Variants in AR observed in about 807,000 individuals in gnomAD.
AR encodes androgen receptor.
Under a neutral mutation model 53.9 loss-of-function variants are expected in AR, and 8 were observed. That is an observed-to-expected ratio of 0.15 (90% CI 0.09 to 0.27). AR has a LOEUF of 0.27. AR is among the 10% of genes least tolerant of loss of function. AR has a pLI of 1.00. For missense variants in AR, 639 were observed against 742.5 expected (o/e 0.86, Z 1.62); for synonymous variants, 359 against 316.4 (o/e 1.13, Z -1.43).
At chrX:67,560,372 C>G (rs1160879169) in intron 1 of AR, among the ~76,000 whole-genome samples, 1 of 111,764 alleles carries the variant, frequency 8.9e-6, no homozygotes, top group African/African-American at 3.3e-5. Context: ...CTCTGCTACT[C>G]TCTAATTCCT....
chrX:67,659,233 A>G (rs1050222397), intron 2 of AR, among the ~76,000 whole-genome samples: 2 of 107,106 alleles, frequency 1.9e-5, no homozygotes, highest in Non-Finnish European at 3.8e-5. Context: ...TTTTTTTTTT[A>G]TACTTTAAGT....
rs185611501 is a variant in AR at position 67,663,948 on chromosome X, C to T, written c.1768+20541C>T. 3.0e-3 allele frequency among the ~76,000 whole-genome samples: 335 copies of T among 112,254 alleles called. 1 individual carries two copies. The highest frequency in any genetic ancestry group is 5.2e-3 in the Non-Finnish European group (275 of 53,282). Reference sequence around the variant, plus strand: ...GCTTGTGCATTTGTCACGTAGTTCTCGTGCTGTGTTTTTCAGCTCCATCAG... The same window carrying T: ...GCTTGTGCATTTGTCACGTAGTTCTTGTGCTGTGTTTTTCAGCTCCATCAG... On this transcript the variant is annotated intron_variant, in intron 2 of 7. Coordinates refer to ENST00000374690, the MANE Select transcript of AR (RefSeq NM_000044.6).
intron 1 of AR, among the ~76,000 whole-genome samples, chrX:67,605,161 G>A (rs1341027303): frequency 8.9e-6 from 1 of 112,496 alleles, no homozygotes; most frequent in African/African-American, 3.2e-5. Context: ...ACCTAGCAGT[G>A]GTAACTGGAG....
rs1006372196 is a variant in AR, at chrX:67,707,133, G to T, written c.1886-4269G>T. Among the ~76,000 whole-genome samples the T allele has an allele frequency of 3.6e-5, 4 of 111,748 alleles. No individual in the cohort carries two copies. In the East Asian group the frequency reaches 1.1e-3, roughly 31 times the overall value. On this transcript the variant is annotated intron_variant, in intron 3 of 7. Transcript: ENST00000374690. ...GAAGAATGTATATTCTGTTGATTTG[G>T]GGTGGAGAGTTCTGTATAAGTCTAT...
At chrX:67,715,746 A>T (rs933658809) in intron 4 of AR, among the ~76,000 whole-genome samples, 8 of 112,206 alleles carry the variant, frequency 7.1e-5, no homozygotes, top group Admixed American at 6.6e-4. Context: ...GTGCCACATC[A>T]CCTAACCTCT....
Position 67,634,599 on chromosome X carries a change from C to T in AR, c.1617-8657C>T, listed in dbSNP as rs531794274. On this transcript the variant is annotated intron_variant, in intron 1 of 7. Coordinates refer to ENST00000374690, the MANE Select transcript of AR (RefSeq NM_000044.6). ...TTAAAGAGAATTGAAAAGCTATGAA[C>T]TAAATTTCGGTAATACTTTTAATAG... Among the ~76,000 whole-genome samples the T allele has an allele frequency of 5.4e-5, 6 of 111,791 alleles. No homozygotes were observed. The South Asian group carries it at 1.9e-3, about 35-fold the overall frequency.
At chrX:67,561,928 GTTTT>G (rs757161392) in intron 1 of AR, among the ~76,000 whole-genome samples, 1 of 78,271 alleles carries the variant, frequency 1.3e-5, no homozygotes, top group Non-Finnish European at 2.3e-5. Flanking sequence ...AACGAAAGAG[GTTTT>G]TTTTTTTTTT....
chrX:67,700,190 A>T (rs2076036801), intron 3 of AR, among the ~76,000 whole-genome samples: 1 of 111,632 alleles, frequency 9.0e-6, no homozygotes, highest in South Asian at 3.8e-4. Context: ...GTGAACTCAC[A>T]TACTATTAAA....
At chrX:67,673,968 G>A (rs1049525625) in intron 2 of AR, among the ~76,000 whole-genome samples, 3 of 111,017 alleles carry the variant, frequency 2.7e-5, no homozygotes, top group African/African-American at 6.6e-5. Context: ...GGATTTGGAT[G>A]CTGTGATCTT....
chrX:67,680,961 G>T (rs2075929912), intron 2 of AR: 1 of 233,281 alleles, frequency 4.3e-6, no homozygotes, highest in Admixed American at 5.5e-5. Flanking sequence ...GAGCCAGCTG[G>T]CATGCAGTGG....
chrX:67,659,782 G>A (rs1247993499), intron 2 of AR, among the ~76,000 whole-genome samples: 2 of 111,642 alleles, frequency 1.8e-5, no homozygotes, highest in African/African-American at 3.3e-5. Flanking sequence ...AGATCCCTGA[G>A]GAATCGCCAC....
intron 2 of AR, among the ~76,000 whole-genome samples, chrX:67,666,533 T>G (rs1927271315): frequency 1.8e-5 from 2 of 111,920 alleles, no homozygotes; most frequent in African/African-American, 6.5e-5. Context: ...GGAATGCAGA[T>G]CTCTTTGATA....
intron 2 of AR, among the ~76,000 whole-genome samples, chrX:67,677,887 A>G (rs748294344): frequency 1.8e-4 from 20 of 110,794 alleles, no homozygotes; most frequent in Non-Finnish European, 3.2e-4. Context: ...TTCTTATATA[A>G]TAATAATATA....
chrX:67,564,426 A>C (rs1021195228), intron 1 of AR, among the ~76,000 whole-genome samples: 2 of 111,809 alleles, frequency 1.8e-5, no homozygotes, highest in Admixed American at 1.9e-4. Context: ...TAATAGAGTA[A>C]GGGTGAGAGG....
At position 67,630,514 on chromosome X, in the gene AR, A is replaced by AT. The variant is rs906029090; in HGVS notation, c.1617-12738dup. ...TTGGTAGATCTTCCTCCATCCTTTT[A>AT]TTTTGAGCCTATGTGTGTCTCTGCA... is the stretch of plus-strand genomic sequence containing the variant. On this transcript the variant is annotated intron_variant, in intron 1 of 7. Coordinates refer to ENST00000374690, the MANE Select transcript of AR (RefSeq NM_000044.6). Among the ~76,000 whole-genome samples the AT allele has an allele frequency of 2.7e-5, 3 of 109,383 alleles. No individual in the cohort carries two copies. In the Admixed American group the frequency reaches 2.9e-4, roughly 11 times the overall value. 95.0% of individuals were successfully genotyped at this position (109,383 alleles called of 115,157 possible).
chrX:67,651,592 C>T (rs959112430), intron 2 of AR, among the ~76,000 whole-genome samples: 1 of 111,850 alleles, frequency 8.9e-6, no homozygotes, highest in Non-Finnish European at 1.9e-5. Context: ...AAACCAAGTA[C>T]TATGCCTAGG....
chrX:67,626,002 C>A (rs1416685589), intron 1 of AR, among the ~76,000 whole-genome samples: 2 of 111,144 alleles, frequency 1.8e-5, no homozygotes, highest in Non-Finnish European at 3.8e-5. Context: ...TACAGGCATA[C>A]AATGTTCAAT....
At chrX:67,566,521 C>T (rs888067576) in intron 1 of AR, among the ~76,000 whole-genome samples, 1 of 111,213 alleles carries the variant, frequency 9.0e-6, no homozygotes, top group Admixed American at 9.6e-5. Context: ...AATGTTTCAG[C>T]CTCTGTGTGT....
chrX:67,561,475 C>G (rs1979925988), intron 1 of AR, among the ~76,000 whole-genome samples: 1 of 112,021 alleles, frequency 8.9e-6, no homozygotes, highest in South Asian at 3.7e-4. Context: ...ATTTACATAA[C>G]ATTGTATTAG....
Sources: gnomAD v4.1 joint callset for allele counts (sites outside exome capture counted in the v4.1 genomes callset) on GRCh38, gnomAD v4.1.1 for gene constraint, MANE v1.5 for transcripts, NCBI Gene and HGNC (gene_info 2026-07-23, HGNC 2026-07-21) for gene names.